The following SLC44A4 variants were observed in gnomAD, a reference collection of about 807,000 sequenced individuals.
SLC44A4 encodes the protein solute carrier family 44 member 4.
SLC44A4 carries 74 observed loss-of-function variants against 97.0 expected under a neutral mutation model. The ratio of observed to expected loss-of-function variants is 0.76; its 90% CI spans 0.63 to 0.93. The LOEUF is 0.93. Ranked by LOEUF, SLC44A4 falls within the 40% of genes least tolerant of loss-of-function variation. The probability of loss-of-function intolerance (pLI) is 0.00; values close to 1 mark genes in which losing one functional copy is unlikely to be tolerated. For synonymous variants in SLC44A4, 325 were observed against 363.8 expected (o/e 0.89, Z 1.21); for missense variants, 799 against 902.9 (o/e 0.88, Z 1.48).
At chr6:31,872,968 C>T (rs1450843761) in intron 7 of SLC44A4, among the ~76,000 whole-genome samples, 1 of 152,186 alleles carries the variant, frequency 6.6e-6, no homozygotes, top group Non-Finnish European at 1.5e-5. Context: ...AACTCCGCCT[C>T]TGGGCTCAAG....
intron 7 of SLC44A4, among the ~76,000 whole-genome samples, chr6:31,873,085 C>T (rs1357481218): frequency 6.6e-6 from 1 of 152,104 alleles, no homozygotes; most frequent in Non-Finnish European, 1.5e-5. Context: ...CCATGTTGGC[C>T]AGACTAGTCT....
In SLC44A4 at chr6:31,863,331, T is replaced by C; in HGVS notation, c.*296A>G. ...ACCTCTGCCTCCCGGGTTCAAGCGA[T>C]TCTCCTGCCTCAGCCTCCCGAGTAG... On this transcript the variant is annotated 3_prime_UTR_variant, in exon 21 of 21. Coordinates refer to ENST00000229729, the MANE Select transcript of SLC44A4 (RefSeq NM_025257.3). 1.0e-5 allele frequency: 3 copies of C among 295,482 alleles called. No homozygotes were observed. In the South Asian group the frequency reaches 1.5e-4, roughly 15 times the overall value. The allele number at this position is 295,482 out of a possible 1,614,324, so 18.3% of individuals were successfully genotyped here.
At position 31,870,863 on chromosome 6, in the gene SLC44A4, T is replaced by C; in HGVS notation, c.886A>G (p.Thr296Ala). 1 of 1,612,954 alleles carries C rather than the reference T, an allele frequency of 6.2e-7. No homozygotes were observed. Among genetic ancestry groups the C allele is most frequent in the East Asian group, 2.2e-5 (1 of 44,872 alleles). The change falls in exon 10 of 21, where the codon ACC becomes GCC. Residue 296 changes from threonine to alanine, a missense_variant. Thr to Ala is a moderately conservative substitution (Grantham distance 58, BLOSUM62 0). Coordinates refer to ENST00000229729, the MANE Select transcript of SLC44A4 (RefSeq NM_025257.3). ...KGASISQLGF[T>A]TNLSAYQSVQ... ...CTCTGGTAGGCACTGAGGTTGGTGG[T>C]GAAACCCAGCTGGGAGATGGAGGCG...
Position 31,874,428 on chromosome 6 carries a change from T to C in SLC44A4, c.529+32A>G. On this transcript the variant is annotated intron_variant, in intron 7 of 20. Transcript: ENST00000229729. The surrounding 1 kb of genome is among the most constrained non-coding windows in gnomAD (Gnocchi z 4.8). ...CAAGCAATGAAAACACTGGACTAGA[T>C]GACGTCTGAGGAAGGAATCTGTGCT... 6.2e-7 allele frequency: 1 copy of C among 1,609,166 alleles called. No individual in the cohort carries two copies. The highest frequency in any genetic ancestry group is 1.1e-5 in the South Asian group (1 of 91,022).
intron 11 of SLC44A4, among the ~76,000 whole-genome samples, chr6:31,870,379 T>C (rs1763091439): frequency 6.6e-6 from 1 of 152,094 alleles, no homozygotes; most frequent in Non-Finnish European, 1.5e-5. Flanking sequence ...TATGTCATAT[T>C]CCAGGCACTC....
intron 19 of SLC44A4, 27 bp from the exon 20 acceptor site, chr6:31,864,763 T>C (rs1762750637): frequency 1.2e-6 from 2 of 1,613,860 alleles, no homozygotes; most frequent in South Asian, 1.1e-5. Flanking sequence ...GTTGGGGTTA[T>C]TGGGTTCCTC....
rs762186026 is a variant in SLC44A4 at position 31,865,691 on chromosome 6, T to C, written c.1581A>G (p.Arg527=). 1.1e-5 allele frequency: 18 copies of C among 1,613,098 alleles called. No individual in the cohort carries two copies. The highest frequency in any genetic ancestry group is 1.6e-4 in the Middle Eastern group (1 of 6,084). Residue 527 remains arginine (R), a splice_region_variant and synonymous_variant, in exon 15 of 21, where the codon AGA becomes AGG. Transcript: ENST00000229729. The surrounding 1 kb of genome is among the most constrained non-coding windows in gnomAD (Gnocchi z 5.2). The stretch of plus-strand genomic sequence containing the variant: ...CTCCTACTCCGACTCCAGACTCACC[T>C]CTGAGCTTGTGGTCAATATACTCCA... ...VILEYIDHKL[R]GVQNPVARCI...
Position 31,864,668 on chromosome 6 carries a change from CG to C in SLC44A4, c.1994del (p.Thr665SerfsTer28). ...GTCACTCACGGAAGCAGAGGAAGAG[CG>C]TGTCCACACACATGCCGAAAACGCT... Reference protein sequence around the residue: ...FFSVFGMCVDTLFLCFLEDLE... With the variant: ...FFSVFGMCVDXLFLCFLEDLE... On this transcript the variant is annotated frameshift_variant, in exon 20 of 21. Coordinates refer to ENST00000229729, the MANE Select transcript of SLC44A4 (RefSeq NM_025257.3). LOFTEE classifies it high-confidence loss of function. 6.2e-7 allele frequency: 1 copy of C among 1,613,780 alleles called. No homozygotes were observed. The highest frequency in any genetic ancestry group is 8.5e-7 in the Non-Finnish European group (1 of 1,179,984).
chr6:31,871,190 T>G (rs538966484), intron 9 of SLC44A4, 124 bp downstream of exon 9: 1 of 1,280,146 alleles, frequency 7.8e-7, no homozygotes, highest in Non-Finnish European at 1.1e-6. Flanking sequence ...GGTCTTGGAA[T>G]CCATTCGGAG....
At chr6:31,869,462 G>C in intron 12 of SLC44A4, 83 bp downstream of exon 12, 1 of 1,225,406 alleles carries the variant, frequency 8.2e-7, no homozygotes, top group Non-Finnish European at 1.2e-6. Context: ...GTGACACCAA[G>C]GCACTCTACA....
Position 31,877,132 on chromosome 6 carries a change from T to G in SLC44A4, c.41-50A>C. The G allele has an allele frequency of 6.4e-7, 1 of 1,571,740 alleles. No individual in the cohort carries two copies. The highest frequency in any genetic ancestry group is 8.7e-7 in the Non-Finnish European group (1 of 1,152,122). On this transcript the variant is annotated intron_variant, in intron 1 of 20. Transcript: ENST00000229729. The surrounding 1 kb of genome is among the most constrained non-coding windows in gnomAD (Gnocchi z 6.5). The stretch of plus-strand genomic sequence containing the variant: ...GAGGATGAGTCTCTCTCTGCATATC[T>G]TGTCCTGCTGAGTCCTCCTAGCCCC...
intron 7 of SLC44A4, among the ~76,000 whole-genome samples, chr6:31,873,610 C>A (rs1250557286): frequency 1.4e-5 from 2 of 146,430 alleles, no homozygotes; most frequent in East Asian, 2.0e-4. Context: ...CCAGCCTGGG[C>A]AACATAGCAA....
intron 13 of SLC44A4, among the ~76,000 whole-genome samples, 198 bp from the exon 14 acceptor site, chr6:31,866,324 G>T (rs916387690): frequency 6.6e-6 from 1 of 152,122 alleles, no homozygotes; most frequent in Non-Finnish European, 1.5e-5. Flanking sequence ...TATAGCATAA[G>T]CATAATCAGC....
intron 20 of SLC44A4, chr6:31,864,392 T>A: frequency 3.5e-6 from 2 of 576,728 alleles, no homozygotes; most frequent in Non-Finnish European, 6.2e-6. Context: ...GGCTAACTTC[T>A]ACCCGAGATT....
chr6:31,865,277 G>C lies in SLC44A4; in HGVS notation c.1760+38C>G, dbSNP rs1762785939. ...GAAGCCAGCCTTGGGTGGGAGATCA[G>C]AGGAGGGAGCCACAAAGCGGGGGGG... On this transcript the variant is annotated intron_variant, in intron 17 of 20. Coordinates refer to ENST00000229729, the MANE Select transcript of SLC44A4 (RefSeq NM_025257.3). The surrounding 1 kb of genome is among the most constrained non-coding windows in gnomAD (Gnocchi z 5.2). The C allele has an allele frequency of 6.2e-7, 1 of 1,611,884 alleles. No homozygotes were observed. The highest frequency in any genetic ancestry group is 2.2e-5 in the East Asian group (1 of 44,888).
At position 31,877,017 on chromosome 6, in the gene SLC44A4, C is replaced by A. The variant is rs1246157354; in HGVS notation, c.89+17G>T. 4 of 1,605,510 alleles carry A rather than the reference C, an allele frequency of 2.5e-6. No homozygotes were observed. The African/African-American group carries it at 4.0e-5, about 16-fold the overall frequency. On this transcript the variant is annotated intron_variant, in intron 2 of 20. Transcript: ENST00000229729. This position sits in a 1 kb window ranked among gnomAD's most constrained non-coding sequence, Gnocchi z 6.5. ...CCACCACCCCCGCCAGCCCCCGGAG[C>A]AGTGCCCAGAGCTCACCTGTTCTTG...
Position 31,864,746 on chromosome 6 carries a change from A to T in SLC44A4, c.1927-10T>A, listed in dbSNP as rs766651437. 1 of 1,614,036 alleles carries T rather than the reference A, an allele frequency of 6.2e-7. No individual in the cohort carries two copies. The highest frequency in any genetic ancestry group is 1.3e-5 in the African/African-American group (1 of 74,910). ...CCCCCAGGATGGAGGTCTGGAAGACATGACCCGTTGGGGTTATTGGGTTCC... is the reference window on the plus strand; with the variant it reads ...CCCCCAGGATGGAGGTCTGGAAGACTTGACCCGTTGGGGTTATTGGGTTCC... On this transcript the variant is annotated splice_polypyrimidine_tract_variant and intron_variant, in intron 19 of 20. Coordinates refer to ENST00000229729, the MANE Select transcript of SLC44A4 (RefSeq NM_025257.3).
Position 31,874,912 on chromosome 6 carries a change from A to G in SLC44A4, c.342+17T>C. On this transcript the variant is annotated intron_variant, in intron 5 of 20. Transcript: ENST00000229729. The surrounding 1 kb of genome is among the most constrained non-coding windows in gnomAD (Gnocchi z 4.8). ...CCTGGGTGAGATCTGGGGTAGAGGC[A>G]GGTCCCAGGCTCTGACCTGGGGTGT... 6.2e-7 allele frequency: 1 copy of G among 1,613,918 alleles called. No individual in the cohort carries two copies. Among genetic ancestry groups the G allele is most frequent in the South Asian group, 1.1e-5 (1 of 91,064 alleles).
rs1164936792 is a variant in SLC44A4, at chr6:31,864,813, C to T, written c.1926+3G>A. 19 of 1,613,872 alleles carry T rather than the reference C, an allele frequency of 1.2e-5. No homozygotes were observed. The highest frequency in any genetic ancestry group is 5.3e-5 in the African/African-American group (4 of 74,876). ...TGGAGCAGCAGAGAGGGGAGTCACT[C>T]ACCATGATGGGCAGCCAGTAATAGT... On this transcript the variant is annotated splice_donor_region_variant and intron_variant, in intron 19 of 20. Transcript: ENST00000229729.
Sources: gnomAD v4.1 joint callset for allele counts (sites outside exome capture counted in the v4.1 genomes callset) on GRCh38, gnomAD v4.1.1 for gene constraint, Gnocchi (gnomAD v3.1) non-coding constraint, MANE v1.5 for transcripts, NCBI Gene and HGNC (gene_info 2026-07-23, HGNC 2026-07-21) for gene names.